PLD1: variants seen among roughly 807,000 people sequenced by gnomAD.
PLD1 encodes phospholipase D1, also known as choline phosphatase 1.
Under a neutral mutation model 137.1 loss-of-function variants are expected in PLD1, and 112 were observed. The observed-to-expected ratio is 0.82, with a 90% CI of 0.70 to 0.96. PLD1 has a LOEUF of 0.96. Among genes scored for constraint, PLD1 ranks in the 40% least tolerant of loss-of-function variants. The probability of loss-of-function intolerance (pLI) is 0.00; values close to 1 mark genes in which losing one functional copy is unlikely to be tolerated. For synonymous variants in PLD1, 431 were observed against 454.7 expected, an observed-to-expected ratio of 0.95 and a Z score of 0.66; for missense variants, 1,321 against 1,342.0, an observed-to-expected ratio of 0.98 and a Z score of 0.24.
chr3:171,673,371 T>A (rs146425302), intron 19 of PLD1, among the ~76,000 whole-genome samples: 5,014 of 129,652 alleles, frequency 0.039, 294 homozygotes, highest in African/African-American at 0.14. Flanking sequence ...AAACTCTGCC[T>A]CCTGGGTTTA....
chr3:171,708,582 G>A lies in PLD1; in HGVS notation c.1145+173C>T, dbSNP rs374607573. On this transcript the variant is annotated intron_variant, in intron 11 of 26. Transcript: ENST00000351298. The stretch of plus-strand genomic sequence containing the variant: ...ATTTTATGAATATTGTTGAGGCCAA[G>A]GTTTTTGAAAAGGCCTTTCACTGAA... Among the ~76,000 whole-genome samples, 5 of 152,274 alleles carry A rather than the reference G, an allele frequency of 3.3e-5. No homozygotes were observed. The East Asian group carries it at 5.8e-4, about 18-fold the overall frequency.
At chr3:171,762,812 G>A (rs372964246) in intron 1 of PLD1, among the ~76,000 whole-genome samples, 1 of 152,180 alleles carries the variant, frequency 6.6e-6, no homozygotes, top group African/African-American at 2.4e-5. Flanking sequence ...GGTTCTCCAT[G>A]TAGAAGATAT....
At chr3:171,780,406 G>A (rs115372564) in intron 1 of PLD1, among the ~76,000 whole-genome samples, 127 of 152,320 alleles carry the variant, frequency 8.3e-4, no homozygotes, top group Non-Finnish European at 1.4e-3. Context: ...TTTAAACGTG[G>A]TAGTTAGCTT....
chr3:171,740,327 C>T (rs554778077), intron 1 of PLD1, among the ~76,000 whole-genome samples: 18 of 152,274 alleles, frequency 1.2e-4, no homozygotes, highest in Admixed American at 1.0e-3. Flanking sequence ...TATGTATGTC[C>T]TTTCCTCTTC....
chr3:171,689,005 C>A, intron 13 of PLD1, 129 bp from the exon 14 acceptor site: 1 of 647,436 alleles, frequency 1.5e-6, no homozygotes. Flanking sequence ...AACGTATACA[C>A]CAAAGAAAAT....
At chr3:171,756,167 T>G (rs998974338) in intron 1 of PLD1, among the ~76,000 whole-genome samples, 4 of 152,202 alleles carry the variant, frequency 2.6e-5, no homozygotes, top group Non-Finnish European at 4.4e-5. Flanking sequence ...AGGCAGGTGA[T>G]GTTAAGGCAT....
chr3:171,705,717 T>C (rs1343514748), intron 11 of PLD1, among the ~76,000 whole-genome samples: 1 of 152,208 alleles, frequency 6.6e-6, no homozygotes, highest in Non-Finnish European at 1.5e-5. Flanking sequence ...AGCAATTATG[T>C]GGAAGAATTG....
At chr3:171,636,248 T>C (rs1292249010) in intron 23 of PLD1, among the ~76,000 whole-genome samples, 1 of 152,088 alleles carries the variant, frequency 6.6e-6, no homozygotes, top group Non-Finnish European at 1.5e-5. Flanking sequence ...AAGATTGTTT[T>C]GGCAATGCTA....
intron 12 of PLD1, among the ~76,000 whole-genome samples, chr3:171,693,737 T>C (rs974989751): frequency 2.6e-5 from 4 of 152,162 alleles, no homozygotes; most frequent in African/African-American, 2.4e-5. Flanking sequence ...AAATTTTCCA[T>C]AATACTTTCT....
In PLD1 at chr3:171,687,413, G is replaced by C. The variant is rs1356548727; in HGVS notation, c.1711C>G (p.Leu571Val). 1.2e-6 allele frequency: 2 copies of C among 1,614,182 alleles called. No individual in the cohort carries two copies. The highest frequency in any genetic ancestry group is 2.2e-5 in the East Asian group (1 of 44,876). ...CTGCTGATGCTATCTGCGTCGTGCAGGTGGTGCCTGTGGAGCTGCTTGTAG... is the reference window on the plus strand; with the variant it reads ...CTGCTGATGCTATCTGCGTCGTGCACGTGGTGCCTGTGGAGCTGCTTGTAG... ...SLYKQLHRHH[L>V]HDADSISSID... Residue 571 changes from leucine (L) to valine (V), a missense_variant, in exon 15 of 27, where the codon CTG becomes GTG. By Grantham distance (32) the Leu-to-Val change is conservative (BLOSUM62 1). Coordinates refer to ENST00000351298, the MANE Select transcript of PLD1 (RefSeq NM_002662.5).
At chr3:171,678,924 C>A (rs1471239527) in intron 16 of PLD1, among the ~76,000 whole-genome samples, 1 of 152,156 alleles carries the variant, frequency 6.6e-6, no homozygotes. Flanking sequence ...ACCTGAAATG[C>A]TCCTTTCTCC....
At chr3:171,664,623 AT>A (rs11299225) in intron 19 of PLD1, among the ~76,000 whole-genome samples, 76,056 of 151,052 alleles carry the variant, frequency 0.5, 20,105 homozygotes, top group African/African-American at 0.67. Context: ...ATGCCCAGCT[AT>A]TTTTTTTTAT....
intron 1 of PLD1, among the ~76,000 whole-genome samples, chr3:171,767,548 T>A (rs1305055282): frequency 6.6e-6 from 1 of 152,248 alleles, no homozygotes; most frequent in Non-Finnish European, 1.5e-5. Context: ...TATTTTTTTC[T>A]TATATTTTTC....
chr3:171,692,896 C>T (rs1421553203), intron 12 of PLD1, among the ~76,000 whole-genome samples: 1 of 152,156 alleles, frequency 6.6e-6, no homozygotes, highest in Non-Finnish European at 1.5e-5. Context: ...AAGGAAGTGA[C>T]ACATAAGTGC....
intron 1 of PLD1, among the ~76,000 whole-genome samples, chr3:171,738,707 G>A (rs1719562103): frequency 1.3e-5 from 2 of 152,216 alleles, no homozygotes; most frequent in East Asian, 1.9e-4. Context: ...TACCTATTCC[G>A]AAAGACATCT....
At chr3:171,741,533 T>C (rs1351238890) in intron 1 of PLD1, among the ~76,000 whole-genome samples, 3 of 152,264 alleles carry the variant, frequency 2.0e-5, no homozygotes, top group Non-Finnish European at 4.4e-5. Flanking sequence ...GTGTTTACAC[T>C]TGAGATAATG....
chr3:171,721,845 A>G (rs1375977979), intron 8 of PLD1, among the ~76,000 whole-genome samples: 1 of 151,700 alleles, frequency 6.6e-6, no homozygotes, highest in African/African-American at 2.4e-5. Flanking sequence ...TCTTTAGTTT[A>G]ATCTTCTGAT....
intron 1 of PLD1, among the ~76,000 whole-genome samples, chr3:171,740,865 T>G (rs949081170): frequency 6.6e-6 from 1 of 152,228 alleles, no homozygotes; most frequent in East Asian, 1.9e-4. Context: ...TCTGAGAGAT[T>G]GAGTTAAACA....
Position 171,714,142 on chromosome 3 carries a change from G to A in PLD1, c.759-97C>T, listed in dbSNP as rs138539247. On this transcript the variant is annotated intron_variant, in intron 8 of 26. Transcript: ENST00000351298. ...CAAGTCTTAAGTAATCACTCTGGCA[G>A]ACTGTAGACATAATTACATTTTCTA... 6.9e-4 allele frequency: 496 copies of A among 721,768 alleles called. 4 individuals carry two copies. The African/African-American group carries it at 8.0e-3, about 12-fold the overall frequency. 44.7% of individuals were successfully genotyped at this position (721,768 alleles called of 1,614,324 possible). A position where few individuals can be genotyped will look rare whatever the true frequency, so the allele number is the denominator to read the frequency against.
Sources: allele counts gnomAD v4.1 joint callset (sites outside exome capture counted in the v4.1 genomes callset), GRCh38; gene constraint gnomAD v4.1.1; transcripts MANE v1.5; gene names NCBI Gene and HGNC (gene_info 2026-07-23, HGNC 2026-07-21).